Variants in CSMD1 observed in about 807,000 individuals in gnomAD.
The protein encoded by CSMD1 is CUB and Sushi multiple domains 1, also known as CUB and sushi domain-containing protein 1.
Under a neutral mutation model 417.5 loss-of-function variants are expected in CSMD1, and 213 were observed. The ratio of observed to expected loss-of-function variants is 0.51; its 90% confidence interval spans 0.46 to 0.57. The LOEUF (loss-of-function observed/expected upper bound fraction) is 0.57. Ranked by LOEUF, CSMD1 falls within the 20% of genes least tolerant of loss-of-function variation. The probability of loss-of-function intolerance (pLI) is 0.00; values close to 1 mark genes in which losing one functional copy is unlikely to be tolerated. For missense variants in CSMD1, 6,923 were observed against 4,529.7 expected, an observed-to-expected ratio of 1.53 and a Z score of -15.17; for synonymous variants, 2,862 against 1,736.8, an observed-to-expected ratio of 1.65 and a Z score of -16.11.
At chr8:4,036,013 C>G (rs981225179) in intron 3 of CSMD1, among the ~76,000 whole-genome samples, 13 of 151,946 alleles carry the variant, frequency 8.6e-5, no homozygotes, top group Admixed American at 6.6e-4. Context: ...ATTACTGTAC[C>G]TTTTCTATGT....
chr8:3,559,974 G>A (rs1436311921), intron 10 of CSMD1, among the ~76,000 whole-genome samples: 3 of 152,106 alleles, frequency 2.0e-5, no homozygotes, highest in African/African-American at 4.8e-5. Flanking sequence ...GAATGAAGGT[G>A]GGTTTTCTGG....
At chr8:3,926,973 C>T (rs959073605) in intron 5 of CSMD1, among the ~76,000 whole-genome samples, 1 of 151,896 alleles carries the variant, frequency 6.6e-6, no homozygotes, top group South Asian at 2.1e-4. Context: ...CTCGGCCTCC[C>T]AAAGTGCTAG....
intron 12 of CSMD1, among the ~76,000 whole-genome samples, chr8:3,459,541 C>T (rs1425853346): frequency 6.6e-6 from 1 of 152,118 alleles, no homozygotes; most frequent in African/African-American, 2.4e-5. Context: ...ATGATAAATG[C>T]AGGTACATGG....
intron 21 of CSMD1, among the ~76,000 whole-genome samples, chr8:3,353,688 C>T (rs1415728883): frequency 1.3e-5 from 2 of 152,088 alleles, no homozygotes; most frequent in African/African-American, 4.8e-5. Flanking sequence ...TTGAAAATCA[C>T]CATTAGCAGA....
chr8:4,161,107 A>T (rs1330855478), intron 3 of CSMD1, among the ~76,000 whole-genome samples: 1 of 120,678 alleles, frequency 8.3e-6, no homozygotes, highest in Admixed American at 9.9e-5. Flanking sequence ...TCCAGGAAAT[A>T]TAAACAAATA....
rs117450777 is a variant in CSMD1, at chr8:4,634,756, A to G, written c.302+2586T>C. Among the ~76,000 whole-genome samples, 1,503 of 152,272 alleles carry G rather than the reference A, an allele frequency of 9.9e-3. 16 individuals carry two copies. Among genetic ancestry groups the G allele is most frequent in the Middle Eastern group, 0.024 (7 of 294 alleles). On this transcript the variant is annotated intron_variant, in intron 2 of 69. Transcript: ENST00000635120. ...TTAGAATTTGCTACTATTTATAACT[A>G]CTTTCCCCATCAACTCATCCTGAAT...
intron 8 of CSMD1, among the ~76,000 whole-genome samples, chr8:3,602,815 T>C (rs1801426898): frequency 6.6e-6 from 1 of 152,154 alleles, no homozygotes; most frequent in African/African-American, 2.4e-5. Context: ...AGATGGCATA[T>C]CTGATGATCA....
chr8:4,778,737 C>A (rs1392413532), intron 1 of CSMD1, among the ~76,000 whole-genome samples: 2 of 152,148 alleles, frequency 1.3e-5, no homozygotes, highest in Non-Finnish European at 2.9e-5. Context: ...TAGTGTTAAT[C>A]TTTAGGATTA....
chr8:4,624,501 G>C (rs1160821342), intron 2 of CSMD1, among the ~76,000 whole-genome samples: 1 of 152,118 alleles, frequency 6.6e-6, no homozygotes, highest in South Asian at 2.1e-4. Flanking sequence ...TGCAAGCGCT[G>C]CTACACAGGT....
At chr8:4,214,526 G>A (rs1452361876) in intron 3 of CSMD1, among the ~76,000 whole-genome samples, 1 of 152,160 alleles carries the variant, frequency 6.6e-6, no homozygotes, top group Non-Finnish European at 1.5e-5. Context: ...TCAAACCCCT[G>A]AGCTCATGCA....
chr8:4,113,508 A>G (rs532995281), intron 3 of CSMD1, among the ~76,000 whole-genome samples: 30 of 147,722 alleles, frequency 2.0e-4, no homozygotes, highest in African/African-American at 7.5e-4. Flanking sequence ...AGGTTCAAGC[A>G]ATTCTCCTGC....
intron 3 of CSMD1, among the ~76,000 whole-genome samples, chr8:4,137,008 C>T (rs1271593656): frequency 2.6e-5 from 4 of 152,194 alleles, no homozygotes; most frequent in Admixed American, 2.0e-4. Flanking sequence ...AGAAACCAAG[C>T]AGCTGTGTAT....
chr8:3,674,787 A>G (rs1319862171), intron 7 of CSMD1, among the ~76,000 whole-genome samples: 2 of 152,192 alleles, frequency 1.3e-5, no homozygotes, highest in African/African-American at 2.4e-5. Context: ...TATAGTTTTC[A>G]AAGAGGTGAA....
intron 12 of CSMD1, among the ~76,000 whole-genome samples, chr8:3,420,353 G>C (rs999853630): frequency 4.0e-5 from 6 of 151,126 alleles, no homozygotes; most frequent in South Asian, 2.1e-4. Context: ...AATTCAGAGG[G>C]ACCAGATGAG....
chr8:4,718,585 A>C (rs1427328889), intron 1 of CSMD1, among the ~76,000 whole-genome samples: 1 of 152,114 alleles, frequency 6.6e-6, no homozygotes, highest in Non-Finnish European at 1.5e-5. Flanking sequence ...CATGAAAAGG[A>C]GGAGATAAAC....
intron 5 of CSMD1, among the ~76,000 whole-genome samples, chr8:3,995,468 C>T (rs554908905): frequency 6.6e-6 from 1 of 152,194 alleles, no homozygotes; most frequent in Non-Finnish European, 1.5e-5. Flanking sequence ...ATGATCCAGC[C>T]TGTAGTCCTG....
chr8:4,925,364 T>G (rs1247266343), intron 1 of CSMD1, among the ~76,000 whole-genome samples: 1 of 151,682 alleles, frequency 6.6e-6, no homozygotes, highest in African/African-American at 2.4e-5. Context: ...TGTTGAAACC[T>G]GACATTTCTT....
intron 31 of CSMD1, among the ~76,000 whole-genome samples, chr8:3,202,461 A>G (rs2116734568): frequency 6.6e-6 from 1 of 152,326 alleles, no homozygotes; most frequent in East Asian, 1.9e-4. Flanking sequence ...ACCTCCTCCA[A>G]GTGAAACATA....
At chr8:4,494,934 T>C (rs1472503820) in intron 2 of CSMD1, among the ~76,000 whole-genome samples, 2 of 152,082 alleles carry the variant, frequency 1.3e-5, no homozygotes, top group East Asian at 1.9e-4. Flanking sequence ...TACGCAGTGA[T>C]ATACATAATT....
Sources: allele counts gnomAD v4.1 joint callset (sites outside exome capture counted in the v4.1 genomes callset), GRCh38; gene constraint gnomAD v4.1.1; transcripts MANE v1.5; gene names NCBI Gene and HGNC (gene_info 2026-07-23, HGNC 2026-07-21).